GRID2: variants seen among roughly 807,000 people sequenced by gnomAD.
The protein encoded by GRID2 is glutamate receptor ionotropic, delta-2.
In GRID2, 33 loss-of-function variants were observed where a neutral mutation model predicts 114.8. The ratio of observed to expected loss-of-function variants is 0.29; its 90% CI spans 0.22 to 0.38. The LOEUF is 0.38. Among genes scored for constraint, GRID2 ranks in the 10% least tolerant of loss-of-function variants. The pLI is 1.00. For missense variants in GRID2, 1,184 were observed against 1,257.7 expected (o/e 0.94, Z 0.89); for synonymous variants, 505 against 449.9 (o/e 1.12, Z -1.55).
At chr4:92,594,765 A>G (rs1159967410) in intron 2 of GRID2, among the ~76,000 whole-genome samples, 1 of 151,900 alleles carries the variant, frequency 6.6e-6, no homozygotes, top group Non-Finnish European at 1.5e-5. Context: ...TTCTCTTATA[A>G]ATTTTTTCTT....
chr4:92,782,312 TTTA>T (rs1284920604), intron 2 of GRID2, among the ~76,000 whole-genome samples: 5 of 151,510 alleles, frequency 3.3e-5, no homozygotes, highest in African/African-American at 1.2e-4. Context: ...CTAATGCTTA[TTTA>T]TTATCTTAGC....
At chr4:93,195,200 T>C (rs1741369708) in intron 4 of GRID2, among the ~76,000 whole-genome samples, 2 of 152,174 alleles carry the variant, frequency 1.3e-5, no homozygotes, top group Admixed American at 1.3e-4. Flanking sequence ...GAGTTACTGG[T>C]ACAGATACTG....
At chr4:92,959,279 A>G (rs1752633717) in intron 2 of GRID2, among the ~76,000 whole-genome samples, 1 of 151,734 alleles carries the variant, frequency 6.6e-6, no homozygotes, top group African/African-American at 2.4e-5. Context: ...TAAGATGAAA[A>G]CTTAGATTAT....
intron 14 of GRID2, among the ~76,000 whole-genome samples, chr4:93,661,276 T>G (rs1452309046): frequency 1.3e-5 from 2 of 152,180 alleles, no homozygotes; most frequent in Non-Finnish European, 2.9e-5. Flanking sequence ...ATGCTTAAGT[T>G]TCCAGCTGAG....
chr4:93,568,938 C>A (rs908445154), intron 13 of GRID2, among the ~76,000 whole-genome samples: 2 of 152,128 alleles, frequency 1.3e-5, no homozygotes, highest in Non-Finnish European at 2.9e-5. Context: ...CCACCTCAAC[C>A]CTGCGCAAGA....
At chr4:92,692,141 T>C (rs17019766) in intron 2 of GRID2, among the ~76,000 whole-genome samples, 36,615 of 152,030 alleles carry the variant, frequency 0.24, 4,654 homozygotes, top group East Asian at 0.43. Flanking sequence ...AAATTAAGAT[T>C]CCTGTTTCTC....
chr4:92,357,865 T>TATA, intron 1 of GRID2, among the ~76,000 whole-genome samples: 1 of 152,036 alleles, frequency 6.6e-6, no homozygotes, highest in East Asian at 1.9e-4. Flanking sequence ...GGACCTCTAT[T>TATA]AAGACAGGGC....
intron 10 of GRID2, among the ~76,000 whole-genome samples, chr4:93,434,471 A>T (rs4693318): frequency 0.54 from 81,263 of 151,888 alleles, 22,022 homozygotes; most frequent in East Asian, 0.72. Context: ...AAAAAAATTT[A>T]AAAAAGACCA....
intron 4 of GRID2, among the ~76,000 whole-genome samples, chr4:93,177,791 T>G (rs952383696): frequency 6.6e-6 from 1 of 152,132 alleles, no homozygotes; most frequent in Non-Finnish European, 1.5e-5. Flanking sequence ...TATAATAAAA[T>G]TATTTTTTTC....
chr4:93,179,154 C>G (rs1375304621), intron 4 of GRID2, among the ~76,000 whole-genome samples: 1 of 152,102 alleles, frequency 6.6e-6, no homozygotes, highest in Non-Finnish European at 1.5e-5. Context: ...AGAGAAAAAT[C>G]TTTTGTTCAA....
chr4:93,425,987 A>T (rs1768806311), intron 10 of GRID2, among the ~76,000 whole-genome samples: 1 of 152,124 alleles, frequency 6.6e-6, no homozygotes, highest in African/African-American at 2.4e-5. Flanking sequence ...AGTCCAATAA[A>T]AGCTAGTACA....
At chr4:93,592,245 TG>T (rs1738434160) in intron 13 of GRID2, among the ~76,000 whole-genome samples, 1 of 152,132 alleles carries the variant, frequency 6.6e-6, no homozygotes, top group African/African-American at 2.4e-5. Context: ...CCAGAGATTC[TG>T]GTATGTTGTG....
intron 11 of GRID2, among the ~76,000 whole-genome samples, chr4:93,474,468 G>A (rs6532408): frequency 0.46 from 70,454 of 151,910 alleles, 18,744 homozygotes; most frequent in African/African-American, 0.73. Context: ...ATAATGGGGA[G>A]TTTTTCTGAG....
At chr4:93,312,614 A>G (rs1756137899) in intron 8 of GRID2, among the ~76,000 whole-genome samples, 1 of 152,214 alleles carries the variant, frequency 6.6e-6, no homozygotes, top group Non-Finnish European at 1.5e-5. Context: ...TGAAATGACT[A>G]TTTCAAAACC....
chr4:92,848,897 T>C (rs1253777189), intron 2 of GRID2, among the ~76,000 whole-genome samples: 1 of 151,406 alleles, frequency 6.6e-6, no homozygotes, highest in African/African-American at 2.4e-5. Flanking sequence ...TGTGAGGGAG[T>C]GGACATCTGC....
chr4:92,787,452 G>A (rs560029065), intron 2 of GRID2, among the ~76,000 whole-genome samples: 1 of 151,858 alleles, frequency 6.6e-6, no homozygotes, highest in African/African-American at 2.4e-5. Context: ...AGGAGGTAGG[G>A]AATTATCCAT....
chr4:92,888,777 T>C lies in GRID2; in HGVS notation c.245-196218T>C, dbSNP rs371344067. 2.6e-5 allele frequency among the ~76,000 whole-genome samples: 4 copies of C among 151,754 alleles called. No individual in the cohort carries two copies. In the East Asian group the frequency reaches 7.7e-4, roughly 29 times the overall value. ...TATAATATGTTTCTCTTGCACCCTTTATCTAGTAGCTGACAACCATATAGT... is the reference window on the plus strand; with the variant it reads ...TATAATATGTTTCTCTTGCACCCTTCATCTAGTAGCTGACAACCATATAGT... On this transcript the variant is annotated intron_variant, in intron 2 of 15. Coordinates refer to ENST00000282020, the MANE Select transcript of GRID2 (RefSeq NM_001510.4).
chr4:92,470,607 C>T (rs1191275532), intron 1 of GRID2, among the ~76,000 whole-genome samples: 1 of 151,726 alleles, frequency 6.6e-6, no homozygotes, highest in Non-Finnish European at 1.5e-5. Context: ...GAAATGTTTG[C>T]CGTAACTTAA....
intron 8 of GRID2, among the ~76,000 whole-genome samples, chr4:93,314,834 A>C: frequency 6.6e-6 from 1 of 151,856 alleles, no homozygotes; most frequent in East Asian, 1.9e-4. Context: ...CATCTCACCT[A>C]TTTGCCATTT....
Sources: allele counts gnomAD v4.1 joint callset (sites outside exome capture counted in the v4.1 genomes callset), GRCh38; gene constraint gnomAD v4.1.1; transcripts MANE v1.5; gene names NCBI Gene and HGNC (gene_info 2026-07-23, HGNC 2026-07-21).